The following SLC4A4 variants were observed in gnomAD, a reference collection of about 807,000 sequenced individuals.
SLC4A4 encodes the protein solute carrier family 4 member 4, also known as electrogenic sodium bicarbonate cotransporter 1.
SLC4A4 carries 27 observed loss-of-function variants against 111.5 expected under a neutral mutation model. That is an observed-to-expected ratio of 0.24 (90% CI 0.18 to 0.33). The LOEUF is 0.33. SLC4A4 is among the 10% of genes least tolerant of loss of function. SLC4A4 has a pLI of 1.00. For synonymous variants in SLC4A4, 443 were observed against 463.4 expected, an observed-to-expected ratio of 0.96 and a Z score of 0.57; for missense variants, 909 against 1,315.5, an observed-to-expected ratio of 0.69 and a Z score of 4.78.
intron 2 of SLC4A4, among the ~76,000 whole-genome samples, chr4:71,153,350 C>T (rs113355311): frequency 0.013 from 2,017 of 152,112 alleles, 43 homozygotes; most frequent in African/African-American, 0.046. Flanking sequence ...ACACCCTTAC[C>T]GACACACCCA....
chr4:71,197,924 C>A (rs928689970), intron 1 of SLC4A4, among the ~76,000 whole-genome samples: 1 of 152,154 alleles, frequency 6.6e-6, no homozygotes, highest in Non-Finnish European at 1.5e-5. Flanking sequence ...AAGAGTCATT[C>A]ATTCACTTAT....
intron 7 of SLC4A4, among the ~76,000 whole-genome samples, chr4:71,409,607 G>C (rs1721178575): frequency 6.6e-6 from 1 of 152,220 alleles, no homozygotes; most frequent in South Asian, 2.1e-4. Flanking sequence ...AAGGGAAACA[G>C]AGCATAAAAG....
At chr4:71,352,665 C>T (rs752056247) in intron 5 of SLC4A4, among the ~76,000 whole-genome samples, 4 of 152,130 alleles carry the variant, frequency 2.6e-5, no homozygotes, top group African/African-American at 7.2e-5. Context: ...GAAGGTGGAC[C>T]TTTCAGGGTT....
In SLC4A4 at chr4:71,353,912, C is replaced by T. The variant is rs73826283; in HGVS notation, c.551-3096C>T. 2.1e-3 allele frequency among the ~76,000 whole-genome samples: 318 copies of T among 152,258 alleles called. 2 individuals carry two copies. The highest frequency in any genetic ancestry group is 7.0e-3 in the African/African-American group (291 of 41,538). On this transcript the variant is annotated intron_variant, in intron 5 of 25. Transcript: ENST00000264485. Reference sequence around the variant, plus strand: ...CATGTGAGGGCCCTGCACCATGATGCGCGACTGTTTAAGCAGGTGTTACTT... The same window carrying T: ...CATGTGAGGGCCCTGCACCATGATGTGCGACTGTTTAAGCAGGTGTTACTT...
chr4:71,405,789 C>G (rs1579026215), intron 7 of SLC4A4, among the ~76,000 whole-genome samples: 1 of 152,278 alleles, frequency 6.6e-6, no homozygotes, highest in African/African-American at 2.4e-5. Context: ...AAAAGAATCT[C>G]AGTATCTAGC....
At chr4:71,459,033 G>T (rs1043695706) in intron 12 of SLC4A4, among the ~76,000 whole-genome samples, 3 of 151,884 alleles carry the variant, frequency 2.0e-5, no homozygotes, top group Non-Finnish European at 2.9e-5. Flanking sequence ...GCATTACCTG[G>T]TTGCCTTTAA....
rs141643471 is a variant in SLC4A4, at chr4:71,536,685, G to T, written c.2442+2297G>T. 9.3e-3 allele frequency among the ~76,000 whole-genome samples: 1,385 copies of T among 148,676 alleles called. 19 individuals are homozygous for T. Among genetic ancestry groups the T allele is most frequent in the African/African-American group, 0.031 (1,263 of 40,512 alleles). Reference sequence around the variant, plus strand: ...TAATTTTTGTATTTTTAGTAGAGACGGGTTTTTGCCATGTTGGTCAGGCTG... The same window carrying T: ...TAATTTTTGTATTTTTAGTAGAGACTGGTTTTTGCCATGTTGGTCAGGCTG... On this transcript the variant is annotated intron_variant, in intron 18 of 25. Transcript: ENST00000264485.
At chr4:71,363,109 T>C (rs1730943018) in intron 6 of SLC4A4, among the ~76,000 whole-genome samples, 1 of 152,180 alleles carries the variant, frequency 6.6e-6, no homozygotes, top group Non-Finnish European at 1.5e-5. Context: ...ATATTGCTGG[T>C]TTGATATAAA....
chr4:71,182,554 C>T (rs1301866692), upstream of SLC4A4, among the ~76,000 whole-genome samples: 5 of 152,114 alleles, frequency 3.3e-5, no homozygotes, highest in Non-Finnish European at 5.9e-5. Flanking sequence ...GCTGAATCCG[C>T]ATGACTTGGT....
At chr4:71,346,514 G>A (rs1729344868) in intron 4 of SLC4A4, among the ~76,000 whole-genome samples, 1 of 151,446 alleles carries the variant, frequency 6.6e-6, no homozygotes, top group Non-Finnish European at 1.5e-5. Flanking sequence ...ATACTCTACA[G>A]TAAAAAGTCT....
At chr4:71,347,929 C>T (rs1347275319) in intron 4 of SLC4A4, among the ~76,000 whole-genome samples, 1 of 152,130 alleles carries the variant, frequency 6.6e-6, no homozygotes, top group Non-Finnish European at 1.5e-5. Flanking sequence ...AGTCATTACA[C>T]TCTTTATAGA....
At chr4:71,383,090 AC>A (rs1319867429) in intron 6 of SLC4A4, among the ~76,000 whole-genome samples, 1 of 152,110 alleles carries the variant, frequency 6.6e-6, no homozygotes, top group Non-Finnish European at 1.5e-5. Context: ...CATATATTTT[AC>A]CACTTGCTCT....
chr4:71,481,240 G>C (rs1477468921), intron 14 of SLC4A4, among the ~76,000 whole-genome samples: 1 of 151,706 alleles, frequency 6.6e-6, no homozygotes, highest in African/African-American at 2.4e-5. Context: ...TCTCCACATT[G>C]TATTAGGTGA....
At chr4:71,256,327 C>T (rs1721450961) in intron 3 of SLC4A4, among the ~76,000 whole-genome samples, 1 of 152,038 alleles carries the variant, frequency 6.6e-6, no homozygotes, top group Admixed American at 6.6e-5. Context: ...TGATGACAGG[C>T]CAAATTAGAA....
intron 3 of SLC4A4, among the ~76,000 whole-genome samples, chr4:71,329,986 C>A (rs1005997398): frequency 2.0e-5 from 3 of 152,116 alleles, no homozygotes; most frequent in Non-Finnish European, 4.4e-5. Flanking sequence ...TATGTTCCTT[C>A]TGTAACCAGA....
chr4:71,334,733 G>A (rs1225059864), intron 3 of SLC4A4, among the ~76,000 whole-genome samples: 1 of 152,174 alleles, frequency 6.6e-6, no homozygotes, highest in Non-Finnish European at 1.5e-5. Context: ...AGACCTGGAG[G>A]TAGTGTTACA....
In SLC4A4 at chr4:71,381,970, G is replaced by A. The variant is rs557805133; in HGVS notation, c.731-15607G>A. 1.2e-4 allele frequency among the ~76,000 whole-genome samples: 19 copies of A among 152,258 alleles called. No individual in the cohort carries two copies. The South Asian group carries it at 2.7e-3, about 22-fold the overall frequency. On this transcript the variant is annotated intron_variant, in intron 6 of 25. Transcript: ENST00000264485. ...GAACGTAGAGACCGTCGAGGAGGTC[G>A]TTAGGTAGTGAGAGATCTAGACATG...
chr4:71,411,719 T>A (rs1721378139), intron 7 of SLC4A4, among the ~76,000 whole-genome samples: 1 of 152,234 alleles, frequency 6.6e-6, no homozygotes, highest in Non-Finnish European at 1.5e-5. Context: ...CAGAAAAAGT[T>A]TGCCTGTCTG....
chr4:71,195,052 G>C (rs1444365202), intron 1 of SLC4A4, among the ~76,000 whole-genome samples: 1 of 152,008 alleles, frequency 6.6e-6, no homozygotes, highest in Non-Finnish European at 1.5e-5. Context: ...AAATTAAATA[G>C]AATTAAAATG....
Sources: gnomAD v4.1 joint callset for allele counts (sites outside exome capture counted in the v4.1 genomes callset) on GRCh38, gnomAD v4.1.1 for gene constraint, MANE v1.5 for transcripts, NCBI Gene and HGNC (gene_info 2026-07-23, HGNC 2026-07-21) for gene names.